The following COL23A1 variants were observed in gnomAD, a reference collection of about 807,000 sequenced individuals.
The protein encoded by COL23A1 is collagen type XXIII alpha 1 chain.
In COL23A1, 97 loss-of-function variants were observed where a neutral mutation model predicts 99.3. The observed-to-expected ratio is 0.98, with a 90% confidence interval of 0.83 to 1.16. COL23A1 has a LOEUF of 1.16. Among genes scored for constraint, COL23A1 ranks in the 50% most tolerant of loss-of-function variants. The pLI is 0.00. For synonymous variants in COL23A1, 320 were observed against 308.2 expected (o/e 1.04, Z -0.40); for missense variants, 762 against 757.4 (o/e 1.01, Z -0.07).
chr5:178,533,119 T>C (rs542168886), intron 2 of COL23A1, among the ~76,000 whole-genome samples: 2 of 152,296 alleles, frequency 1.3e-5, no homozygotes, highest in South Asian at 2.1e-4. Context: ...AAAAATGAGA[T>C]TGTGACTACC....
At chr5:178,406,479 G>T (rs1764770353) in intron 2 of COL23A1, among the ~76,000 whole-genome samples, 1 of 151,014 alleles carries the variant, frequency 6.6e-6, no homozygotes, top group Non-Finnish European at 1.5e-5. Flanking sequence ...ATCCAGGCTG[G>T]AGTGAAATGG....
At chr5:178,543,160 T>G (rs4976792) in intron 2 of COL23A1, among the ~76,000 whole-genome samples, 10,571 of 150,608 alleles carry the variant, frequency 0.07, 577 homozygotes, top group South Asian at 0.18. Flanking sequence ...CAGGCTGGAG[T>G]GCAATGGCGC....
At chr5:178,574,894 C>G (rs1444428604) in intron 1 of COL23A1, among the ~76,000 whole-genome samples, 4 of 152,202 alleles carry the variant, frequency 2.6e-5, no homozygotes, top group Non-Finnish European at 5.9e-5. Flanking sequence ...CAGGCACTTA[C>G]CTGATTTGGC....
intron 25 of COL23A1, among the ~76,000 whole-genome samples, chr5:178,245,171 A>G (rs915599284): frequency 5.4e-5 from 8 of 147,198 alleles, no homozygotes; most frequent in African/African-American, 1.8e-4. Flanking sequence ...CCATCCCTCC[A>G]TCCCTCCACT....
intron 2 of COL23A1, among the ~76,000 whole-genome samples, chr5:178,318,456 G>T (rs12187848): frequency 6.6e-6 from 1 of 152,202 alleles, no homozygotes; most frequent in African/African-American, 2.4e-5. Flanking sequence ...GAGCAAAACC[G>T]ATGGGAAGAG....
intron 8 of COL23A1, among the ~76,000 whole-genome samples, chr5:178,264,767 C>T (rs748418685): frequency 6.6e-6 from 1 of 152,200 alleles, no homozygotes; most frequent in South Asian, 2.1e-4. Flanking sequence ...AGCGATTCTC[C>T]TGCCTCAGCC....
chr5:178,573,185 T>G (rs971356447), intron 1 of COL23A1, among the ~76,000 whole-genome samples: 7 of 152,176 alleles, frequency 4.6e-5, no homozygotes, highest in Non-Finnish European at 1.0e-4. Flanking sequence ...ATTTTTAATT[T>G]GTGGAGTTCA....
chr5:178,564,757 G>A (rs540225018), intron 1 of COL23A1, among the ~76,000 whole-genome samples: 3 of 152,264 alleles, frequency 2.0e-5, no homozygotes, highest in Non-Finnish European at 2.9e-5. Context: ...ACGATCTGTC[G>A]GGGCACTAGT....
chr5:178,547,494 CATCCCCAT>C (rs1761660981), intron 2 of COL23A1, among the ~76,000 whole-genome samples: 3 of 141,256 alleles, frequency 2.1e-5, no homozygotes, highest in African/African-American at 5.3e-5. Flanking sequence ...CACACCCACA[CATCCCCAT>C]ACACACCCCC....
Position 178,466,155 on chromosome 5 carries a change from G to A in COL23A1, c.361+94527C>T, listed in dbSNP as rs1460443582. On this transcript the variant is annotated intron_variant, in intron 2 of 28. Transcript: ENST00000390654. ...ACGCAAACTCACTCCCATCTTCGCC[G>A]GTGTTGGAGGCCTTCTAAATGCCTC... Among the ~76,000 whole-genome samples the A allele has an allele frequency of 2.6e-5, 4 of 152,202 alleles. No individual in the cohort carries two copies. The East Asian group carries it at 7.8e-4, about 30-fold the overall frequency.
At chr5:178,326,900 A>G (rs1176329250) in intron 2 of COL23A1, among the ~76,000 whole-genome samples, 1 of 152,158 alleles carries the variant, frequency 6.6e-6, no homozygotes, top group Non-Finnish European at 1.5e-5. Flanking sequence ...TCGTATTTTT[A>G]GTAGAGACGG....
At chr5:178,453,069 C>T (rs1197490014) in intron 2 of COL23A1, among the ~76,000 whole-genome samples, 2 of 152,142 alleles carry the variant, frequency 1.3e-5, no homozygotes, top group African/African-American at 2.4e-5. Flanking sequence ...GAATCCCACA[C>T]GGCGAGAAAA....
At chr5:178,273,761 T>A (rs1464878817) in intron 5 of COL23A1, among the ~76,000 whole-genome samples, 2 of 152,208 alleles carry the variant, frequency 1.3e-5, no homozygotes, top group Non-Finnish European at 2.9e-5. Context: ...TGTGGGGCAG[T>A]GGCTGACCTT....
At chr5:178,545,696 G>A (rs1333859764) in intron 2 of COL23A1, among the ~76,000 whole-genome samples, 1 of 152,074 alleles carries the variant, frequency 6.6e-6, no homozygotes, top group Non-Finnish European at 1.5e-5. Context: ...TCTAAGCAGG[G>A]ATGATGTGCT....
At chr5:178,525,020 G>C (rs75202239) in intron 2 of COL23A1, among the ~76,000 whole-genome samples, 5 of 151,770 alleles carry the variant, frequency 3.3e-5, no homozygotes, top group Non-Finnish European at 7.3e-5. Context: ...TAAATAACTC[G>C]GCTAAGCTCA....
At chr5:178,257,405 G>T (rs956996905) in intron 13 of COL23A1, 118 bp downstream of exon 13, 3 of 1,211,282 alleles carry the variant, frequency 2.5e-6, no homozygotes, top group Non-Finnish European at 3.6e-6. Flanking sequence ...TCCGGCCTGC[G>T]CTGGGCACTG....
chr5:178,523,195 T>C (rs1269753687), intron 2 of COL23A1, among the ~76,000 whole-genome samples: 32 of 78,898 alleles, frequency 4.1e-4, no homozygotes, highest in African/African-American at 1.1e-3. Context: ...TATATATATA[T>C]ATATATAGAG....
At chr5:178,485,603 T>C (rs1176673451) in intron 2 of COL23A1, among the ~76,000 whole-genome samples, 3 of 151,824 alleles carry the variant, frequency 2.0e-5, no homozygotes, top group Non-Finnish European at 2.9e-5. Context: ...TGAAACCCTG[T>C]CTCTACTAAA....
chr5:178,354,939 T>C (rs949681787), intron 2 of COL23A1, among the ~76,000 whole-genome samples: 15 of 151,954 alleles, frequency 9.9e-5, no homozygotes, highest in African/African-American at 2.9e-4. Context: ...GAGCCTGTGG[T>C]CCCAGCTACT....
Sources: allele counts gnomAD v4.1 joint callset (sites outside exome capture counted in the v4.1 genomes callset), GRCh38; gene constraint gnomAD v4.1.1; transcripts MANE v1.5; gene names NCBI Gene and HGNC (gene_info 2026-07-23, HGNC 2026-07-21).